Variants in ALCAM observed in about 807,000 individuals in gnomAD.
The protein encoded by ALCAM is CD166 antigen.
Under a neutral mutation model 70.9 loss-of-function variants are expected in ALCAM, and 30 were observed. That is an observed-to-expected ratio of 0.42 (90% confidence interval 0.32 to 0.57). The LOEUF is 0.57. ALCAM is among the 20% of genes least tolerant of loss of function. The probability of loss-of-function intolerance (pLI) is 0.11; values close to 1 mark genes in which losing one functional copy is unlikely to be tolerated. For synonymous variants in ALCAM, 249 were observed against 242.5 expected, an observed-to-expected ratio of 1.03 and a Z score of -0.25; for missense variants, 591 against 695.1, an observed-to-expected ratio of 0.85 and a Z score of 1.68.
chr3:105,495,016 C>T (rs772204067), intron 1 of ALCAM, among the ~76,000 whole-genome samples: 10 of 152,110 alleles, frequency 6.6e-5, no homozygotes, highest in Non-Finnish European at 1.0e-4. Context: ...TTATTCTTAT[C>T]GCAACTCCCA....
At chr3:105,504,584 G>GC (rs1473441481) in intron 1 of ALCAM, among the ~76,000 whole-genome samples, 1 of 152,224 alleles carries the variant, frequency 6.6e-6, no homozygotes, top group African/African-American at 2.4e-5. Flanking sequence ...CGGCCTGCCG[G>GC]CCTGCTGGTG....
chr3:105,471,808 T>C (rs945275548), intron 1 of ALCAM, among the ~76,000 whole-genome samples: 1 of 151,342 alleles, frequency 6.6e-6, no homozygotes, highest in Non-Finnish European at 1.5e-5. Context: ...CAAACCCTTA[T>C]ACATCCACTC....
intron 1 of ALCAM, among the ~76,000 whole-genome samples, chr3:105,426,827 C>A (rs1559787676): frequency 6.6e-6 from 1 of 151,682 alleles, no homozygotes; most frequent in African/African-American, 2.4e-5. Context: ...ATTGCCCCCA[C>A]CTCCCAAAAA....
At chr3:105,503,735 G>T (rs542318472) in intron 1 of ALCAM, among the ~76,000 whole-genome samples, 18 of 152,240 alleles carry the variant, frequency 1.2e-4, no homozygotes, top group Admixed American at 1.1e-3. Context: ...TCACCCCATT[G>T]CTTCTTTCCC....
intron 1 of ALCAM, chr3:105,513,257 A>G (rs966810023): frequency 1.4e-4 from 22 of 151,850 alleles, no homozygotes; most frequent in African/African-American, 5.3e-4. Flanking sequence ...CAGGGGTTTC[A>G]TTGTGGACAA....
At chr3:105,460,437 AG>A (rs1937587663) in intron 1 of ALCAM, among the ~76,000 whole-genome samples, 1 of 152,022 alleles carries the variant, frequency 6.6e-6, no homozygotes, top group African/African-American at 2.4e-5. Context: ...ATCATTGTAA[AG>A]GTTTCAAAGT....
intron 14 of ALCAM, among the ~76,000 whole-genome samples, chr3:105,560,154 C>T (rs1940601912): frequency 6.6e-6 from 1 of 152,268 alleles, no homozygotes; most frequent in East Asian, 1.9e-4. Flanking sequence ...GCTTACAACT[C>T]CCACCAGTCG....
chr3:105,544,974 A>G (rs992628101), intron 8 of ALCAM: 2 of 395,192 alleles, frequency 5.1e-6, no homozygotes, highest in Non-Finnish European at 9.7e-6. Context: ...CAAAATATCA[A>G]TCACGTTAAC....
intron 1 of ALCAM, among the ~76,000 whole-genome samples, chr3:105,368,071 G>T (rs1935116663): frequency 6.6e-6 from 1 of 151,834 alleles, no homozygotes; most frequent in Non-Finnish European, 1.5e-5. Context: ...CCATTGTCTG[G>T]GCGGGTGGTG....
chr3:105,380,612 A>G (rs1436747498), intron 1 of ALCAM, among the ~76,000 whole-genome samples: 1 of 151,818 alleles, frequency 6.6e-6, no homozygotes, highest in African/African-American at 2.4e-5. Flanking sequence ...CTAATTAAGG[A>G]AAAAAAATTC....
At chr3:105,483,963 G>A (rs1211585567) in intron 1 of ALCAM, among the ~76,000 whole-genome samples, 1 of 152,028 alleles carries the variant, frequency 6.6e-6, no homozygotes, top group Non-Finnish European at 1.5e-5. Flanking sequence ...CCTGTTCTTA[G>A]ACAAGTCTTT....
intron 14 of ALCAM, among the ~76,000 whole-genome samples, chr3:105,566,565 T>C (rs546600284): frequency 2.0e-5 from 3 of 152,302 alleles, no homozygotes; most frequent in South Asian, 4.1e-4. Flanking sequence ...TAGTATTACA[T>C]TTTAATACCT....
intron 1 of ALCAM, among the ~76,000 whole-genome samples, chr3:105,414,243 C>CAA (rs11336904): frequency 2.2e-5 from 3 of 138,618 alleles, no homozygotes; most frequent in Non-Finnish European, 3.2e-5. Flanking sequence ...TTCCATCTTA[C>CAA]AAAAAAAAAA....
intron 1 of ALCAM, among the ~76,000 whole-genome samples, chr3:105,368,187 T>A (rs74210942): frequency 0.1 from 14,011 of 138,328 alleles, 984 homozygotes; most frequent in East Asian, 0.25. Flanking sequence ...GACCTGCTCA[T>A]AGAGCCTCAG....
intron 1 of ALCAM, among the ~76,000 whole-genome samples, chr3:105,507,630 T>A (rs1939118233): frequency 6.6e-6 from 1 of 152,216 alleles, no homozygotes; most frequent in African/African-American, 2.4e-5. Flanking sequence ...TAAATAATAT[T>A]TCATTGTCTG....
At chr3:105,565,710 T>C (rs763088864) in intron 14 of ALCAM, among the ~76,000 whole-genome samples, 1 of 152,228 alleles carries the variant, frequency 6.6e-6, no homozygotes, top group Non-Finnish European at 1.5e-5. Flanking sequence ...TGAATTTTGT[T>C]TGACAGGTAG....
At chr3:105,519,847 C>CAAGG (rs1939483618) in intron 1 of ALCAM, among the ~76,000 whole-genome samples, 1 of 152,088 alleles carries the variant, frequency 6.6e-6, no homozygotes, top group African/African-American at 2.4e-5. Context: ...GTGTGATAGT[C>CAAGG]AAGGATTCAA....
intron 1 of ALCAM, among the ~76,000 whole-genome samples, chr3:105,428,683 C>T (rs936132418): frequency 6.6e-6 from 1 of 151,836 alleles, no homozygotes; most frequent in Admixed American, 6.6e-5. Context: ...TCACTATTTG[C>T]CTCTCCTATA....
chr3:105,542,833 A>G (rs1406195621), intron 8 of ALCAM, among the ~76,000 whole-genome samples: 1 of 151,740 alleles, frequency 6.6e-6, no homozygotes, highest in Non-Finnish European at 1.5e-5. Context: ...CTGTAAAAAT[A>G]GTGGACTGTT....
Sources: allele counts gnomAD v4.1 joint callset (sites outside exome capture counted in the v4.1 genomes callset), GRCh38; gene constraint gnomAD v4.1.1; transcripts MANE v1.5; gene names NCBI Gene and HGNC (gene_info 2026-07-23, HGNC 2026-07-21).